The following SYT17 variants were observed in gnomAD, a reference collection of about 807,000 sequenced individuals.
The protein encoded by SYT17 is synaptotagmin 17.
SYT17 carries 22 observed loss-of-function variants against 46.7 expected under a neutral mutation model. The observed-to-expected ratio is 0.47, with a 90% CI of 0.34 to 0.67. The LOEUF is 0.67. Ranked by LOEUF, SYT17 falls within the 30% of genes least tolerant of loss-of-function variation. The probability of loss-of-function intolerance (pLI) is 0.01; values close to 1 mark genes in which losing one functional copy is unlikely to be tolerated. For synonymous variants in SYT17, 251 were observed against 248.4 expected (o/e 1.01, Z -0.10); for missense variants, 519 against 612.8 (o/e 0.85, Z 1.62).
At chr16:19,251,152 C>T (rs1173395792) in intron 7 of SYT17, among the ~76,000 whole-genome samples, 3,034 of 152,228 alleles carry the variant, frequency 0.02, 87 homozygotes, top group African/African-American at 0.07. Context: ...AAACAGGTGG[C>T]ATTTCTTTCA....
At chr16:19,201,299 G>C (rs977361626) in intron 5 of SYT17, among the ~76,000 whole-genome samples, 5 of 152,162 alleles carry the variant, frequency 3.3e-5, no homozygotes, top group African/African-American at 9.7e-5. Flanking sequence ...TTCCTTCATG[G>C]GGGACAGGGG....
chr16:19,168,539 C>T lies in SYT17; in HGVS notation c.-108C>T, dbSNP rs1963953575. On this transcript the variant is annotated 5_prime_UTR_variant, in exon 1 of 8. Transcript: ENST00000355377. This position sits in a 1 kb window ranked among gnomAD's most constrained non-coding sequence, Gnocchi z 6.9. ...CAGTCACGTCTGGGGCCACCGGCTG[C>T]CTTTTTCTTCCTTTCCCCCTTTGCT... The T allele has an allele frequency of 4.7e-6, 7 of 1,491,908 alleles. No homozygotes were observed. Among genetic ancestry groups the T allele is most frequent in the Non-Finnish European group, 6.4e-6 (7 of 1,101,082 alleles). The allele number at this position is 1,491,908 out of a possible 1,614,324, so 92.4% of individuals were successfully genotyped here.
intron 3 of SYT17, among the ~76,000 whole-genome samples, chr16:19,177,812 T>C (rs150191532): frequency 6.6e-5 from 10 of 152,320 alleles, no homozygotes; most frequent in African/African-American, 9.6e-5. Context: ...AAGACCCTCA[T>C]TGAAGAGTGA....
Position 19,184,139 on chromosome 16 carries a change from A to C in SYT17, c.943A>C (p.Ser315Arg). The change falls in exon 5 of 8, where the codon AGT becomes CGT. Residue 315 changes from serine to arginine, a missense_variant. Transcript: ENST00000355377. ...GGHWWKALIP[S>R]SQNEVELGEL... ...GCACTGGTGGAAGGCGCTGATTCCC[A>C]GTTCTCAGGTAAGGGATGGGTTTGT... is the stretch of plus-strand genomic sequence containing the variant. The C allele has an allele frequency of 6.2e-7, 1 of 1,613,398 alleles. No homozygotes were observed. Among genetic ancestry groups the C allele is most frequent in the African/African-American group, 1.3e-5 (1 of 75,056 alleles).
Position 19,268,179 on chromosome 16 carries a change from T to G in SYT17, c.*1103T>G, listed in dbSNP as rs1291186032. The G allele has an allele frequency of 1.3e-5, 2 of 152,078 alleles. No homozygotes were observed. Among genetic ancestry groups the G allele is most frequent in the African/African-American group, 4.8e-5 (2 of 41,406 alleles). 9.4% of individuals were successfully genotyped at this position (152,078 alleles called of 1,614,324 possible). ...ATGTCACGTCTCTCGTGCTAAGGAA[T>G]TAGTGTAGTTAGAATAGATCTCTCT... On this transcript the variant is annotated 3_prime_UTR_variant, in exon 8 of 8. Coordinates refer to ENST00000355377, the MANE Select transcript of SYT17 (RefSeq NM_016524.4).
intron 7 of SYT17, among the ~76,000 whole-genome samples, chr16:19,256,437 A>AACACAAACAC (rs1318319831): frequency 7.8e-6 from 1 of 128,978 alleles, no homozygotes; most frequent in Non-Finnish European, 1.6e-5. Flanking sequence ...CCCCTCTTCA[A>AACACAAACAC]ACACACACAC....
intron 1 of SYT17, chr16:19,172,478 C>T: frequency 6.8e-7 from 1 of 1,465,992 alleles, no homozygotes; most frequent in Admixed American, 2.8e-5. Flanking sequence ...TGATTCATAA[C>T]AGCATACGGT....
chr16:19,180,166 A>G, intron 3 of SYT17: 1 of 523,776 alleles, frequency 1.9e-6, no homozygotes, highest in East Asian at 3.2e-5. Context: ...TTCTTGACAG[A>G]TTGTTCTAAA....
chr16:19,168,681 C>T lies in SYT17; in HGVS notation c.15+20C>T. ...ATCCAGGTAGGGCTGAGGCTGGGGG[C>T]AAGGTCCGGGGTGCGGGTAGGGGGT... On this transcript the variant is annotated intron_variant, in intron 1 of 7. Transcript: ENST00000355377. This position sits in a 1 kb window ranked among gnomAD's most constrained non-coding sequence, Gnocchi z 6.9. The T allele has an allele frequency of 6.6e-7, 1 of 1,506,744 alleles. No individual in the cohort carries two copies. The highest frequency in any genetic ancestry group is 8.9e-7 in the Non-Finnish European group (1 of 1,124,810). The allele number at this position is 1,506,744 out of a possible 1,614,324, so 93.3% of individuals were successfully genotyped here.
At chr16:19,222,123 A>G (rs1480548834) in intron 5 of SYT17, among the ~76,000 whole-genome samples, 1 of 152,226 alleles carries the variant, frequency 6.6e-6, no homozygotes, top group Non-Finnish European at 1.5e-5. Context: ...AGGTACAATG[A>G]CACCATATCG....
intron 5 of SYT17, among the ~76,000 whole-genome samples, chr16:19,203,163 A>G (rs1965531107): frequency 6.6e-6 from 1 of 152,018 alleles, no homozygotes; most frequent in Non-Finnish European, 1.5e-5. Flanking sequence ...TAACTCTCCC[A>G]TAGGGTTGCT....
In SYT17 at chr16:19,267,242, G is replaced by T; in HGVS notation, c.*166G>T. The stretch of plus-strand genomic sequence containing the variant: ...ACCCCAAATCCTCTCAGAACTGAGA[G>T]GAAGCTGACTATTGATCACAAAATG... On this transcript the variant is annotated 3_prime_UTR_variant, in exon 8 of 8. Coordinates refer to ENST00000355377, the MANE Select transcript of SYT17 (RefSeq NM_016524.4). 3.2e-6 allele frequency: 2 copies of T among 623,848 alleles called. No homozygotes were observed. Among genetic ancestry groups the T allele is most frequent in the East Asian group, 3.0e-5 (1 of 33,524 alleles). 38.6% of individuals were successfully genotyped at this position (623,848 alleles called of 1,614,324 possible). A position where few individuals can be genotyped will look rare whatever the true frequency, so the allele number is the denominator to read the frequency against.
At chr16:19,262,263 C>T (rs1337941752) in intron 7 of SYT17, among the ~76,000 whole-genome samples, 1 of 152,204 alleles carries the variant, frequency 6.6e-6, no homozygotes, top group Non-Finnish European at 1.5e-5. Flanking sequence ...ACCATGAAGG[C>T]TCTGTCCTCA....
chr16:19,236,558 A>G (rs952687084), intron 7 of SYT17, among the ~76,000 whole-genome samples: 2 of 152,164 alleles, frequency 1.3e-5, no homozygotes, highest in African/African-American at 2.4e-5. Flanking sequence ...CTCAGGTTCA[A>G]TAATTTGCTA....
chr16:19,204,564 G>A (rs939534305), intron 5 of SYT17, among the ~76,000 whole-genome samples: 4 of 152,112 alleles, frequency 2.6e-5, no homozygotes, highest in Admixed American at 6.5e-5. Flanking sequence ...GGGGTGCAGG[G>A]TGTTGAGGAT....
At chr16:19,219,762 C>T (rs374838738) in intron 5 of SYT17, among the ~76,000 whole-genome samples, 39 of 152,326 alleles carry the variant, frequency 2.6e-4, no homozygotes, top group African/African-American at 7.5e-4. Flanking sequence ...ATCCATCCCC[C>T]CCACAGGAGT....
chr16:19,201,469 C>T (rs2269784), intron 5 of SYT17, among the ~76,000 whole-genome samples: 11 of 151,950 alleles, frequency 7.2e-5, no homozygotes, highest in Admixed American at 5.9e-4. Context: ...AGTGTCAGCC[C>T]CACCCAAATC....
intron 7 of SYT17, among the ~76,000 whole-genome samples, chr16:19,243,614 C>G (rs1414326290): frequency 1.3e-5 from 2 of 151,860 alleles, no homozygotes; most frequent in Non-Finnish European, 2.9e-5. Context: ...AGTTCAAGAC[C>G]AGCTGACCAG....
At chr16:19,233,859 G>T (rs1299855900) in intron 7 of SYT17, among the ~76,000 whole-genome samples, 1 of 152,008 alleles carries the variant, frequency 6.6e-6, no homozygotes, top group Admixed American at 6.6e-5. Context: ...GCCCCACCCT[G>T]GCCACAGCCC....
Sources: allele counts gnomAD v4.1 joint callset (sites outside exome capture counted in the v4.1 genomes callset), GRCh38; gene constraint gnomAD v4.1.1; non-coding constraint Gnocchi (gnomAD v3.1); transcripts MANE v1.5; gene names NCBI Gene and HGNC (gene_info 2026-07-23, HGNC 2026-07-21).